Variants in WWOX observed in about 807,000 individuals in gnomAD.
WWOX encodes the protein WW domain-containing oxidoreductase.
A neutral mutation model predicts 46.2 loss-of-function variants in WWOX; 69 were observed. That is an observed-to-expected ratio of 1.49 (90% CI 1.23 to 1.82). The LOEUF (loss-of-function observed/expected upper bound fraction) is 1.82, where lower values mean the gene tolerates loss of function less well. WWOX is among the 40% of genes most tolerant of loss of function. The pLI is 0.00. For missense variants in WWOX, 919 were observed against 542.6 expected (o/e 1.69, Z -6.89); for synonymous variants, 359 against 202.6 (o/e 1.77, Z -6.56).
chr16:78,108,748 G>A (rs763435357), intron 2 of WWOX, among the ~76,000 whole-genome samples: 13 of 152,244 alleles, frequency 8.5e-5, no homozygotes, highest in Non-Finnish European at 2.9e-5. Context: ...AGCACTTCGG[G>A]AGGCCGAGGC....
At chr16:78,224,186 G>A (rs1469298207) in intron 5 of WWOX, among the ~76,000 whole-genome samples, 3 of 152,000 alleles carry the variant, frequency 2.0e-5, no homozygotes, top group Non-Finnish European at 1.5e-5. Context: ...TGTAATTTTA[G>A]TAGAGATGGG....
At position 78,224,553 on chromosome 16, in the gene WWOX, T is replaced by A. The variant is rs115087070; in HGVS notation, c.516+60264T>A. On this transcript the variant is annotated intron_variant, in intron 5 of 8. Transcript: ENST00000566780. ...CCTAATGGATGGGTGAGTCATGATT[T>A]ACTTAACCAATCCCCTGTTGTTGGA... Among the ~76,000 whole-genome samples, 526 of 152,336 alleles carry A rather than the reference T, an allele frequency of 3.5e-3. 2 individuals carry two copies. Among genetic ancestry groups the A allele is most frequent in the African/African-American group, 0.012 (501 of 41,578 alleles).
At chr16:78,217,869 T>G (rs1281256548) in intron 5 of WWOX, among the ~76,000 whole-genome samples, 1 of 152,120 alleles carries the variant, frequency 6.6e-6, no homozygotes, top group Admixed American at 6.5e-5. Context: ...TGGAGTGAAG[T>G]CAAATGACCC....
chr16:78,487,323 A>C (rs985409538), intron 8 of WWOX, among the ~76,000 whole-genome samples: 4 of 152,054 alleles, frequency 2.6e-5, no homozygotes, highest in Non-Finnish European at 5.9e-5. Flanking sequence ...CAGAAAAAGT[A>C]GATGCATCAG....
At chr16:78,106,713 G>A in intron 1 of WWOX, among the ~76,000 whole-genome samples, 1 of 152,178 alleles carries the variant, frequency 6.6e-6, no homozygotes, top group East Asian at 1.9e-4. Context: ...ACCGCGCCCG[G>A]CCACAGAGCT....
chr16:78,657,371 C>A (rs575794259), intron 8 of WWOX, among the ~76,000 whole-genome samples: 102 of 152,252 alleles, frequency 6.7e-4, no homozygotes, highest in Middle Eastern at 3.4e-3. Context: ...AGTTCTCCCC[C>A]ATCCTGTAAA....
rs2082809800 is a variant in WWOX, at chr16:78,416,893, G to A, written c.606-7977G>A. Reference sequence around the variant, plus strand: ...TACAGGGGAGGACACAGATTCACAGGGGTGAACTAACTGGCCATGAGTCAG... The same window carrying A: ...TACAGGGGAGGACACAGATTCACAGAGGTGAACTAACTGGCCATGAGTCAG... On this transcript the variant is annotated intron_variant, in intron 6 of 8. Transcript: ENST00000566780. Among the ~76,000 whole-genome samples, 3 of 152,168 alleles carry A rather than the reference G, an allele frequency of 2.0e-5. No homozygotes were observed. The South Asian group carries it at 6.2e-4, about 32-fold the overall frequency.
chr16:78,616,548 T>C (rs2046029772), intron 8 of WWOX, among the ~76,000 whole-genome samples: 1 of 150,924 alleles, frequency 6.6e-6, no homozygotes, highest in Admixed American at 6.6e-5. Context: ...TCTCGGTGGA[T>C]CACTTGAGGT....
intron 8 of WWOX, chr16:78,825,512 C>A (rs2051627956): frequency 2.0e-6 from 1 of 497,314 alleles, no homozygotes; most frequent in Non-Finnish European, 4.0e-6. Context: ...AGAGATTTGG[C>A]TTCCCACAGG....
At chr16:78,801,155 G>A (rs953951379) in intron 8 of WWOX, among the ~76,000 whole-genome samples, 1 of 151,712 alleles carries the variant, frequency 6.6e-6, no homozygotes. Flanking sequence ...TGCCTCCCAG[G>A]TTCAAGTGAT....
chr16:78,422,721 A>G lies in WWOX; in HGVS notation c.606-2149A>G, dbSNP rs2082968094. Among the ~76,000 whole-genome samples, 3 of 109,494 alleles carry G rather than the reference A, an allele frequency of 2.7e-5. No homozygotes were observed. In the Admixed American group the frequency reaches 2.8e-4, roughly 10 times the overall value. The allele number at this position is 109,494 out of a possible 152,430, so 71.8% of individuals were successfully genotyped here. On this transcript the variant is annotated intron_variant, in intron 6 of 8. Transcript: ENST00000566780. The stretch of plus-strand genomic sequence containing the variant: ...CACACATATATATATACACACACAC[A>G]TATATATATACACACACATATATAT...
intron 8 of WWOX, among the ~76,000 whole-genome samples, chr16:78,940,710 C>T (rs1350933287): frequency 1.4e-5 from 2 of 147,010 alleles, no homozygotes; most frequent in African/African-American, 5.1e-5. Context: ...GACCACAAAG[C>T]ATATCTACCC....
intron 8 of WWOX, among the ~76,000 whole-genome samples, chr16:78,669,103 C>T (rs759577231): frequency 6.6e-6 from 1 of 152,048 alleles, no homozygotes; most frequent in African/African-American, 2.4e-5. Flanking sequence ...ATGGATAAGC[C>T]AAAACCACCT....
At chr16:78,930,469 T>C (rs1477928431) in intron 8 of WWOX, among the ~76,000 whole-genome samples, 2 of 140,988 alleles carry the variant, frequency 1.4e-5, no homozygotes, top group Non-Finnish European at 1.6e-5. Context: ...TTTTTTTTTT[T>C]CTGTAGAGAC....
chr16:78,641,916 C>A (rs1308219782), intron 8 of WWOX, among the ~76,000 whole-genome samples: 1 of 152,084 alleles, frequency 6.6e-6, no homozygotes, highest in Non-Finnish European at 1.5e-5. Context: ...AGTGGCTTAC[C>A]AAATAGATCT....
chr16:78,411,225 T>C (rs1330224111), intron 6 of WWOX, among the ~76,000 whole-genome samples: 1 of 152,170 alleles, frequency 6.6e-6, no homozygotes, highest in Admixed American at 6.5e-5. Context: ...TTGGGAGTCA[T>C]TTGGACCCTG....
At chr16:78,876,872 G>A (rs2044244569) in intron 8 of WWOX, among the ~76,000 whole-genome samples, 1 of 151,938 alleles carries the variant, frequency 6.6e-6, no homozygotes, top group South Asian at 2.1e-4. Context: ...TCTAGTTTGG[G>A]GCATAAAATA....
chr16:78,114,112 T>A (rs1293223863), intron 3 of WWOX, among the ~76,000 whole-genome samples: 1 of 147,540 alleles, frequency 6.8e-6, no homozygotes, highest in Non-Finnish European at 1.5e-5. Context: ...TTTTTTTTAA[T>A]GGTTACCCAG....
chr16:78,453,636 A>T (rs1232728346), intron 8 of WWOX, among the ~76,000 whole-genome samples: 2 of 152,018 alleles, frequency 1.3e-5, no homozygotes, highest in African/African-American at 4.8e-5. Context: ...TGCTATTTTT[A>T]TCCTGAAGAT....
Sources: allele counts gnomAD v4.1 joint callset (sites outside exome capture counted in the v4.1 genomes callset), GRCh38; gene constraint gnomAD v4.1.1; transcripts MANE v1.5; gene names NCBI Gene and HGNC (gene_info 2026-07-23, HGNC 2026-07-21).